Variants in SHMT1 observed in about 807,000 individuals in gnomAD.
SHMT1 encodes serine hydroxymethyltransferase 1.
A neutral mutation model predicts 49.0 loss-of-function variants in SHMT1; 45 were observed. The observed-to-expected ratio is 0.92, with a 90% CI of 0.72 to 1.18. The LOEUF is 1.18. Ranked by LOEUF, SHMT1 falls within the 50% of genes most tolerant of loss-of-function variation. The pLI is 0.00. For missense variants in SHMT1, 541 were observed against 612.4 expected (o/e 0.88, Z 1.23); for synonymous variants, 232 against 246.6 (o/e 0.94, Z 0.55).
At chr17:18,337,442 G>T (rs909978197) in intron 7 of SHMT1, among the ~76,000 whole-genome samples, 1 of 152,176 alleles carries the variant, frequency 6.6e-6, no homozygotes, top group African/African-American at 2.4e-5. Flanking sequence ...CAGAGGCAAC[G>T]GGGTGCTGAG....
Position 18,332,718 on chromosome 17 carries a change from T to C in SHMT1, c.1054+448A>G. The C allele has an allele frequency of 1.1e-5, 3 of 276,256 alleles. No homozygotes were observed. The South Asian group carries it at 1.2e-4, about 11-fold the overall frequency. 17.1% of individuals were successfully genotyped at this position (276,256 alleles called of 1,614,324 possible). On this transcript the variant is annotated intron_variant, in intron 9 of 11. Coordinates refer to ENST00000316694, the MANE Select transcript of SHMT1 (RefSeq NM_004169.5). ...GCAAACATGCCTAAAGCAAGCCAACTCCCCAGGAATATGCAGGAAACTGGG... is the reference window on the plus strand; with the variant it reads ...GCAAACATGCCTAAAGCAAGCCAACCCCCCAGGAATATGCAGGAAACTGGG...
chr17:18,333,798 A>C (rs1983504232), intron 8 of SHMT1, among the ~76,000 whole-genome samples: 1 of 151,858 alleles, frequency 6.6e-6, no homozygotes, highest in Non-Finnish European at 1.5e-5. Context: ...ATATTTTTTG[A>C]GACAGGGTCT....
intron 2 of SHMT1, among the ~76,000 whole-genome samples, chr17:18,355,050 CAAAAAAAAAAAAAAAAAAAA>C (rs768492183): frequency 0.05 from 1,232 of 24,434 alleles, 59 homozygotes; most frequent in African/African-American, 0.19. Flanking sequence ...GACTATATCT[CAAAAAAAAAAAAAAAAAAAA>C]AAAAAAAAAA....
At chr17:18,329,728 TC>T (rs1247283005) in intron 10 of SHMT1, among the ~76,000 whole-genome samples, 1 of 151,972 alleles carries the variant, frequency 6.6e-6, no homozygotes, top group Non-Finnish European at 1.5e-5. Context: ...GGCCCTGACC[TC>T]CCTCATCTGA....
chr17:18,336,234 G>A (rs1211817600), intron 7 of SHMT1, among the ~76,000 whole-genome samples: 8 of 151,346 alleles, frequency 5.3e-5, no homozygotes, highest in South Asian at 4.2e-4. Flanking sequence ...CCAAGATCGC[G>A]CCAGTGCACT....
At position 18,355,907 on chromosome 17, in the gene SHMT1, G is replaced by A. The variant is rs1327192854; in HGVS notation, c.75C>T (p.Pro25=). ...WSSHDKMLAQ[P]LKDSDVEVYN... ...TCACCTCAACATCACTGTCTTTGAG[G>A]GGTTGTGCCAGCATCTTGTCATGTG... Residue 25 remains proline (P), a synonymous_variant, in exon 2 of 12, where the codon CCC becomes CCT. Coordinates refer to ENST00000316694, the MANE Select transcript of SHMT1 (RefSeq NM_004169.5). The A allele has an allele frequency of 6.2e-7, 1 of 1,613,752 alleles. No individual in the cohort carries two copies.
chr17:18,362,118 T>G (rs1352284489), intron 1 of SHMT1, among the ~76,000 whole-genome samples: 3 of 152,152 alleles, frequency 2.0e-5, no homozygotes. Context: ...TGTTCTCTTC[T>G]TTACAGAAGA....
intron 5 of SHMT1, among the ~76,000 whole-genome samples, chr17:18,343,652 G>T (rs1319374512): frequency 6.7e-6 from 1 of 148,476 alleles, no homozygotes; most frequent in African/African-American, 2.5e-5. Context: ...GGATGCGGTG[G>T]CTCATGCCTG....
chr17:18,350,051 G>A (rs761628340), intron 3 of SHMT1, among the ~76,000 whole-genome samples: 16 of 151,592 alleles, frequency 1.1e-4, no homozygotes, highest in Admixed American at 4.0e-4. Context: ...AAAATAGGCC[G>A]GGCACGGTGG....
At chr17:18,341,405 C>A (rs2151580864) in intron 5 of SHMT1, 1 of 159,266 alleles carries the variant, frequency 6.3e-6, no homozygotes, top group East Asian at 1.8e-4. Flanking sequence ...CTTTGGGAGG[C>A]TGAGACGGGC....
At chr17:18,332,362 G>A (rs967821464) in intron 9 of SHMT1, 4 of 152,678 alleles carry the variant, frequency 2.6e-5, no homozygotes, top group African/African-American at 9.7e-5. Context: ...CTTAGACCAG[G>A]AGGCCTGTAA....
At chr17:18,341,146 C>T (rs1567779202) in intron 5 of SHMT1, 2 of 368,828 alleles carry the variant, frequency 5.4e-6, no homozygotes, top group Admixed American at 8.4e-5. Flanking sequence ...AGGAACAAGA[C>T]CAAAATGCCT....
chr17:18,351,982 C>A lies in SHMT1; in HGVS notation c.242+1690G>T, dbSNP rs147041274. 3.1e-3 allele frequency among the ~76,000 whole-genome samples: 477 copies of A among 152,090 alleles called. 4 individuals are homozygous for A. Among genetic ancestry groups the A allele is most frequent in the African/African-American group, 0.011 (447 of 41,488 alleles). On this transcript the variant is annotated intron_variant, in intron 3 of 11. Transcript: ENST00000316694. Reference sequence around the variant, plus strand: ...ACCTCAGTTTCTTGAGTAGCTGAGACTACAGGCGCATGCCACCATGTCCGG... The same window carrying A: ...ACCTCAGTTTCTTGAGTAGCTGAGAATACAGGCGCATGCCACCATGTCCGG...
At chr17:18,347,419 A>C in intron 5 of SHMT1, 77 bp downstream of exon 5, 1 of 1,543,956 alleles carries the variant, frequency 6.5e-7, no homozygotes, top group Non-Finnish European at 8.9e-7. Flanking sequence ...ACATAAACCA[A>C]ACTTACCCCT....
At chr17:18,346,048 A>G (rs995148492) in intron 5 of SHMT1, among the ~76,000 whole-genome samples, 3 of 152,136 alleles carry the variant, frequency 2.0e-5, no homozygotes, top group Middle Eastern at 3.2e-3. Flanking sequence ...GCCTTGGCCA[A>G]TGAGGAGATC....
intron 1 of SHMT1, among the ~76,000 whole-genome samples, chr17:18,359,710 G>A (rs896792637): frequency 2.6e-5 from 4 of 152,020 alleles, no homozygotes; most frequent in Non-Finnish European, 5.9e-5. Flanking sequence ...CACTTTGGGA[G>A]GCCAAGGCGG....
chr17:18,336,235 C>G (rs1268521893), intron 7 of SHMT1, among the ~76,000 whole-genome samples: 2 of 151,634 alleles, frequency 1.3e-5, no homozygotes, highest in African/African-American at 4.9e-5. Flanking sequence ...CAAGATCGCG[C>G]CAGTGCACTC....
intron 5 of SHMT1, among the ~76,000 whole-genome samples, chr17:18,343,361 C>T (rs994626981): frequency 6.6e-6 from 1 of 152,010 alleles, no homozygotes; most frequent in Non-Finnish European, 1.5e-5. Flanking sequence ...GTAATCTCAG[C>T]ACTTTGGGAG....
Position 18,328,876 on chromosome 17 carries a change from T to A in SHMT1, c.1326A>T (p.Arg442Ser). 1 of 1,613,968 alleles carries A rather than the reference T, an allele frequency of 6.2e-7. No homozygotes were observed. Among genetic ancestry groups the A allele is most frequent in the East Asian group, 2.2e-5 (1 of 44,886 alleles). The part of the protein sequence containing the change: ...TLQIQSDTGV[R>S]ATLKEFKERL... ...TCTCCTTGAACTCTTTCAGGGTGGCTCTGACACCAGTGTCGCTCTGGATCT... is the reference window on the plus strand; with the variant it reads ...TCTCCTTGAACTCTTTCAGGGTGGCACTGACACCAGTGTCGCTCTGGATCT... The change falls in exon 12 of 12, where the codon AGA (arginine) becomes AGT (serine). Residue 442 changes from arginine to serine, a missense_variant. Arg to Ser is a moderately radical substitution (Grantham distance 110). Transcript: ENST00000316694.
Sources: gnomAD v4.1 joint callset for allele counts (sites outside exome capture counted in the v4.1 genomes callset) on GRCh38, gnomAD v4.1.1 for gene constraint, MANE v1.5 for transcripts, NCBI Gene and HGNC (gene_info 2026-07-23, HGNC 2026-07-21) for gene names.